The following CLMP variants were observed in gnomAD, a reference collection of about 807,000 sequenced individuals.
CLMP encodes CXADR like cell adhesion molecule.
Under a neutral mutation model 45.2 loss-of-function variants are expected in CLMP, and 27 were observed. The ratio of observed to expected loss-of-function variants is 0.60; its 90% CI spans 0.44 to 0.82. CLMP has a LOEUF of 0.82. Ranked by LOEUF, CLMP falls within the 40% of genes least tolerant of loss-of-function variation. CLMP has a pLI of 0.00. For missense variants in CLMP, 403 were observed against 448.4 expected (o/e 0.90, Z 0.91); for synonymous variants, 167 against 171.4 (o/e 0.97, Z 0.20).
At chr11:123,092,423 G>T (rs577171583) in intron 2 of CLMP, among the ~76,000 whole-genome samples, 4 of 151,180 alleles carry the variant, frequency 2.6e-5, no homozygotes, top group African/African-American at 9.8e-5. Context: ...TCAGCCTCTC[G>T]AGTAGCTGGG....
rs970547647 is a variant in CLMP at position 123,070,998 on chromosome 11, T to C, written c.*2476A>G. The C allele has an allele frequency of 3.9e-5, 6 of 152,238 alleles. No homozygotes were observed. Among genetic ancestry groups the C allele is most frequent in the African/African-American group, 1.2e-4 (5 of 41,466 alleles). The allele number at this position is 152,238 out of a possible 1,614,324, so 9.4% of individuals were successfully genotyped here. On this transcript the variant is annotated 3_prime_UTR_variant, in exon 7 of 7. Coordinates refer to ENST00000448775, the MANE Select transcript of CLMP (RefSeq NM_024769.5). ...ACGACACGATTGTGAGAATTAAATA[T>C]AGGAGTGAAAAACCAGAGAAATGGG...
intron 1 of CLMP, among the ~76,000 whole-genome samples, chr11:123,167,431 G>A (rs975450551): frequency 4.6e-5 from 7 of 151,972 alleles, no homozygotes; most frequent in East Asian, 3.9e-4. Flanking sequence ...GACTACAGGC[G>A]CCCACCACCA....
At chr11:123,094,779 A>C (rs7109445) in intron 2 of CLMP, among the ~76,000 whole-genome samples, 66,665 of 151,812 alleles carry the variant, frequency 0.44, 17,048 homozygotes, top group African/African-American at 0.71. Context: ...TACCTTTCTA[A>C]CTACCCCTTC....
rs775333663 is a variant in CLMP, at chr11:123,083,678, A to G, written c.556+2T>C. 6.2e-7 allele frequency: 1 copy of G among 1,614,016 alleles called. No homozygotes were observed. The highest frequency in any genetic ancestry group is 8.5e-7 in the Non-Finnish European group (1 of 1,179,958). Reference sequence around the variant, plus strand: ...CAATAGATTGGTAGGAAGATGACTTACCAATCCTAGATTTGGGAGGCAGAC... The same window carrying G: ...CAATAGATTGGTAGGAAGATGACTTGCCAATCCTAGATTTGGGAGGCAGAC... On this transcript the variant is annotated splice_donor_variant, in intron 4 of 6. Transcript: ENST00000448775. LOFTEE classifies it high-confidence loss of function.
At chr11:123,158,808 T>C (rs1425820581) in intron 1 of CLMP, among the ~76,000 whole-genome samples, 4 of 152,324 alleles carry the variant, frequency 2.6e-5, no homozygotes, top group Non-Finnish European at 5.9e-5. Flanking sequence ...CCCAGGTTGT[T>C]TTCATTTACA....
chr11:123,104,399 T>TC (rs1399078608), intron 1 of CLMP, among the ~76,000 whole-genome samples: 2 of 149,744 alleles, frequency 1.3e-5, no homozygotes, highest in African/African-American at 4.9e-5. Flanking sequence ...ATTTTTTTTT[T>TC]CCCCAGACGG....
At chr11:123,131,128 C>T (rs1406727458) in intron 1 of CLMP, among the ~76,000 whole-genome samples, 1 of 152,124 alleles carries the variant, frequency 6.6e-6, no homozygotes, top group African/African-American at 2.4e-5. Context: ...CAGGCGTGAG[C>T]CACCGTGCCC....
chr11:123,103,089 A>G (rs1288530969), intron 1 of CLMP, among the ~76,000 whole-genome samples: 1 of 152,196 alleles, frequency 6.6e-6, no homozygotes, highest in African/African-American at 2.4e-5. Flanking sequence ...CCAAGGTCCT[A>G]CAACTCATTT....
chr11:123,140,512 G>C (rs901711189), intron 1 of CLMP, among the ~76,000 whole-genome samples: 1 of 151,836 alleles, frequency 6.6e-6, no homozygotes, highest in African/African-American at 2.4e-5. Context: ...AATGTGGGGG[G>C]GTGTCCTGGT....
intron 1 of CLMP, among the ~76,000 whole-genome samples, chr11:123,190,654 A>T (rs1399342169): frequency 6.6e-6 from 1 of 152,214 alleles, no homozygotes; most frequent in African/African-American, 2.4e-5. Flanking sequence ...CCAGACATAC[A>T]TGACACTGCA....
chr11:123,195,042 G>A lies in CLMP; in HGVS notation c.-102C>T. ...TCGGGCGAGCTGGGCGCGGCGCCTC[G>A]GGGTGCGCGCGAGGTGGCTGCAGCC... On this transcript the variant is annotated 5_prime_UTR_variant, in exon 1 of 7. It introduces an in-frame stop codon into an upstream open reading frame of the 5' UTR. Transcript: ENST00000448775. 1.7e-6 allele frequency: 2 copies of A among 1,198,748 alleles called. No homozygotes were observed. The highest frequency in any genetic ancestry group is 1.6e-5 in the African/African-American group (1 of 62,878). 74.3% of individuals were successfully genotyped at this position (1,198,748 alleles called of 1,614,324 possible).
At chr11:123,136,003 C>A in intron 1 of CLMP, 1 of 569,218 alleles carries the variant, frequency 1.8e-6, no homozygotes, top group South Asian at 1.4e-5. Context: ...ATTGCTTCTT[C>A]AATTAAATTG....
chr11:123,094,299 G>A (rs1438469214), intron 2 of CLMP, among the ~76,000 whole-genome samples: 3 of 152,138 alleles, frequency 2.0e-5, no homozygotes, highest in Non-Finnish European at 4.4e-5. Context: ...TAGAGGTGGG[G>A]TTTCACCATG....
intron 1 of CLMP, among the ~76,000 whole-genome samples, 155 bp downstream of exon 1, chr11:123,194,758 C>T (rs1591493359): frequency 6.6e-6 from 1 of 152,358 alleles, no homozygotes; most frequent in East Asian, 1.9e-4. Context: ...CCCTCGGTTG[C>T]CAGATGTGCT....
chr11:123,135,085 C>T (rs1035594650), intron 1 of CLMP, among the ~76,000 whole-genome samples: 2 of 151,922 alleles, frequency 1.3e-5, no homozygotes, highest in African/African-American at 4.8e-5. Flanking sequence ...CATGGTGAAA[C>T]CCCGTCTCTA....
At chr11:123,127,791 C>CT (rs1228211542) in intron 1 of CLMP, among the ~76,000 whole-genome samples, 1 of 152,056 alleles carries the variant, frequency 6.6e-6, no homozygotes, top group Admixed American at 6.6e-5. Context: ...AATTCCAGCA[C>CT]TTTGGGAGGC....
intron 1 of CLMP, among the ~76,000 whole-genome samples, chr11:123,105,415 CTTTCTTTCTTCT>C (rs1860529812): frequency 7.9e-6 from 1 of 127,346 alleles, no homozygotes; most frequent in African/African-American, 3.0e-5. Flanking sequence ...CTCTCTCTCT[CTTTCTTTCTTCT>C]TTTCTTTCTT....
intron 1 of CLMP, among the ~76,000 whole-genome samples, chr11:123,188,144 CT>C (rs1388685930): frequency 1.1e-4 from 16 of 152,158 alleles, no homozygotes; most frequent in Non-Finnish European, 2.2e-4. Flanking sequence ...GAAAGGGTGC[CT>C]TTTGTACGAT....
At chr11:123,172,210 C>G (rs751506114) in intron 1 of CLMP, among the ~76,000 whole-genome samples, 16 of 152,018 alleles carry the variant, frequency 1.1e-4, no homozygotes, top group Non-Finnish European at 1.2e-4. Context: ...CTCCTGGGGT[C>G]AAGTGATTCT....
Sources: allele counts gnomAD v4.1 joint callset (sites outside exome capture counted in the v4.1 genomes callset), GRCh38; gene constraint gnomAD v4.1.1; transcripts MANE v1.5; gene names NCBI Gene and HGNC (gene_info 2026-07-23, HGNC 2026-07-21).